MICAL3: variants seen among roughly 807,000 people sequenced by gnomAD.
MICAL3 encodes microtubule associated monooxygenase, calponin and LIM domain containing 3.
Under a neutral mutation model 207.4 loss-of-function variants are expected in MICAL3, and 62 were observed. The ratio of observed to expected loss-of-function variants is 0.30; its 90% CI spans 0.24 to 0.37. MICAL3 has a LOEUF of 0.37. MICAL3 is among the 10% of genes least tolerant of loss of function. MICAL3 has a pLI of 1.00. For missense variants in MICAL3, 2,368 were observed against 2,635.6 expected (o/e 0.90, Z 2.22); for synonymous variants, 1,077 against 1,069.3 (o/e 1.01, Z -0.14).
chr22:17,970,377 C>A (rs1229466907), intron 1 of MICAL3, among the ~76,000 whole-genome samples: 1 of 152,126 alleles, frequency 6.6e-6, no homozygotes, highest in African/African-American at 2.4e-5. Flanking sequence ...CTTGAGTGAG[C>A]GGCTGACCAG....
At chr22:17,913,150 C>A (rs1378069657) in intron 1 of MICAL3, among the ~76,000 whole-genome samples, 1 of 152,140 alleles carries the variant, frequency 6.6e-6, no homozygotes, top group Non-Finnish European at 1.5e-5. Context: ...GCTCCTCCCC[C>A]CACCACTGTG....
At chr22:17,938,511 G>A (rs1239951143) in intron 1 of MICAL3, among the ~76,000 whole-genome samples, 1 of 152,136 alleles carries the variant, frequency 6.6e-6, no homozygotes, top group Non-Finnish European at 1.5e-5. Context: ...TACGAACGGA[G>A]GAGGCTGTAT....
At chr22:17,901,733 G>C in intron 5 of MICAL3, 145 bp downstream of exon 5, 2 of 513,646 alleles carry the variant, frequency 3.9e-6, no homozygotes, top group African/African-American at 3.8e-5. Context: ...AGAGGATGGT[G>C]GGGCCTGCCA....
chr22:17,908,055 G>C (rs754096613), intron 1 of MICAL3, among the ~76,000 whole-genome samples: 20 of 152,110 alleles, frequency 1.3e-4, no homozygotes, highest in Non-Finnish European at 2.8e-4. Flanking sequence ...CTGCAGAATC[G>C]TTTTTGCGTC....
intron 19 of MICAL3, chr22:17,861,664 A>C (rs1030628876): frequency 2.4e-4 from 241 of 985,350 alleles, no homozygotes; most frequent in Middle Eastern, 5.2e-4. Context: ...GGTGGACAGT[A>C]CAAGGCCAGG....
intron 19 of MICAL3, among the ~76,000 whole-genome samples, chr22:17,858,303 T>A (rs1039874319): frequency 6.6e-6 from 1 of 152,224 alleles, no homozygotes; most frequent in African/African-American, 2.4e-5. Context: ...TGACCTGACC[T>A]GGGCAGGAGT....
At chr22:18,021,922 A>G (rs1924503362) in intron 1 of MICAL3, among the ~76,000 whole-genome samples, 1 of 152,178 alleles carries the variant, frequency 6.6e-6, no homozygotes, top group African/African-American at 2.4e-5. Context: ...ATTTATACCT[A>G]TCTCGCAGGA....
rs185919965 is a variant in MICAL3 at position 17,958,964 on chromosome 22, G to A, written c.-74-52078C>T. On this transcript the variant is annotated intron_variant, in intron 1 of 31. Transcript: ENST00000441493. Reference sequence around the variant, plus strand: ...CAGGTGATCTGCTCGCCTCGGCCTCGCAAAGTGCTGGGATTACAGGCATAA... The same window carrying A: ...CAGGTGATCTGCTCGCCTCGGCCTCACAAAGTGCTGGGATTACAGGCATAA... Among the ~76,000 whole-genome samples, 277 of 148,502 alleles carry A rather than the reference G, an allele frequency of 1.9e-3. 2 individuals are homozygous for A. The highest frequency in any genetic ancestry group is 0.012 in the East Asian group (57 of 4,930).
chr22:17,810,114 G>A (rs1022669775), intron 28 of MICAL3, among the ~76,000 whole-genome samples: 5 of 147,230 alleles, frequency 3.4e-5, no homozygotes, highest in Non-Finnish European at 7.4e-5. Flanking sequence ...CTAGGCTGGG[G>A]TGCAGTGGCA....
At chr22:17,827,005 G>A (rs535421013) in intron 22 of MICAL3, among the ~76,000 whole-genome samples, 113 of 152,356 alleles carry the variant, frequency 7.4e-4, no homozygotes, top group Non-Finnish European at 1.1e-3. Context: ...AGGTGACTCC[G>A]AGGGTGGGTA....
chr22:17,978,465 T>C (rs9605469), intron 1 of MICAL3, among the ~76,000 whole-genome samples: 41,052 of 152,002 alleles, frequency 0.27, 6,016 homozygotes, highest in African/African-American at 0.38. Context: ...AATTGAATGA[T>C]TGTAGTGATG....
At chr22:17,934,530 C>G (rs1933423020) in intron 1 of MICAL3, among the ~76,000 whole-genome samples, 1 of 152,122 alleles carries the variant, frequency 6.6e-6, no homozygotes, top group South Asian at 2.1e-4. Flanking sequence ...TGGAAGCATT[C>G]CCTTTGAAAA....
chr22:17,918,508 C>CA (rs1306459964), intron 1 of MICAL3, among the ~76,000 whole-genome samples: 10 of 152,176 alleles, frequency 6.6e-5, no homozygotes, highest in African/African-American at 2.4e-4. Context: ...GCTCTGTCTG[C>CA]AGCAGCAGCA....
At chr22:17,896,588 TC>T (rs1288066535) in intron 8 of MICAL3, 135 bp downstream of exon 8, 19 of 946,790 alleles carry the variant, frequency 2.0e-5, no homozygotes, top group Non-Finnish European at 6.3e-6. Flanking sequence ...CTCCTCTACT[TC>T]CTGGTGTGAC....
At chr22:17,949,909 T>C (rs1181591985) in intron 1 of MICAL3, among the ~76,000 whole-genome samples, 1 of 152,222 alleles carries the variant, frequency 6.6e-6, no homozygotes, top group Non-Finnish European at 1.5e-5. Flanking sequence ...GGGCCAGAGA[T>C]GCTGTGCTTC....
intron 20 of MICAL3, among the ~76,000 whole-genome samples, chr22:17,837,380 C>T (rs1373338950): frequency 2.0e-5 from 3 of 152,234 alleles, no homozygotes; most frequent in Non-Finnish European, 4.4e-5. Flanking sequence ...TCTGTGACCT[C>T]GCCTGTGCCA....
chr22:17,911,478 T>C (rs1932140091), intron 1 of MICAL3, among the ~76,000 whole-genome samples: 1 of 152,186 alleles, frequency 6.6e-6, no homozygotes, highest in Non-Finnish European at 1.5e-5. Flanking sequence ...CAGCAATCTG[T>C]GAACTGCGCC....
chr22:17,872,195 C>T (rs573702498), intron 16 of MICAL3, among the ~76,000 whole-genome samples, 172 bp from the exon 17 acceptor site: 110 of 152,322 alleles, frequency 7.2e-4, no homozygotes, highest in Non-Finnish European at 1.0e-3. Context: ...CACAGAGTGA[C>T]GGCACCGCCA....
At chr22:17,842,121 G>T (rs930101776) in intron 19 of MICAL3, 104 bp from the exon 20 acceptor site, 8 of 1,130,960 alleles carry the variant, frequency 7.1e-6, no homozygotes, top group South Asian at 1.4e-5. Flanking sequence ...AGAATGTGGG[G>T]CAGGACAAAG....
Sources: gnomAD v4.1 joint callset for allele counts (sites outside exome capture counted in the v4.1 genomes callset) on GRCh38, gnomAD v4.1.1 for gene constraint, MANE v1.5 for transcripts, NCBI Gene and HGNC (gene_info 2026-07-23, HGNC 2026-07-21) for gene names.